BMP5: variants seen among roughly 807,000 people sequenced by gnomAD.
BMP5 encodes bone morphogenetic protein 5.
A neutral mutation model predicts 46.6 loss-of-function variants in BMP5; 23 were observed. That is an observed-to-expected ratio of 0.49 (90% CI 0.35 to 0.70). BMP5 has a LOEUF of 0.70. BMP5 is among the 30% of genes least tolerant of loss of function. The pLI, the probability that BMP5 is intolerant of heterozygous loss-of-function variation, is 0.00. For missense variants in BMP5, 545 were observed against 565.6 expected, an observed-to-expected ratio of 0.96 and a Z score of 0.37; for synonymous variants, 204 against 191.9, an observed-to-expected ratio of 1.06 and a Z score of -0.52.
At chr6:55,806,388 G>A (rs980271809) in intron 2 of BMP5, among the ~76,000 whole-genome samples, 31 of 152,130 alleles carry the variant, frequency 2.0e-4, no homozygotes, top group African/African-American at 7.0e-4. Context: ...TAGATGTGTG[G>A]TGTTATTTCT....
chr6:55,869,710 T>G (rs1399373471), intron 1 of BMP5, among the ~76,000 whole-genome samples: 1 of 152,054 alleles, frequency 6.6e-6, no homozygotes, highest in Non-Finnish European at 1.5e-5. Flanking sequence ...TAGGGAGAGA[T>G]GAGGAGGCAA....
chr6:55,787,410 T>C (rs577644202), intron 3 of BMP5, among the ~76,000 whole-genome samples: 1 of 151,708 alleles, frequency 6.6e-6, no homozygotes, highest in Non-Finnish European at 1.5e-5. Flanking sequence ...TAATCACATG[T>C]GGACTTTAGA....
intron 6 of BMP5, among the ~76,000 whole-genome samples, chr6:55,756,788 T>C (rs1367346044): frequency 6.6e-6 from 1 of 152,020 alleles, no homozygotes; most frequent in Non-Finnish European, 1.5e-5. Context: ...ATGCTGCTTA[T>C]GTCCTTCATC....
intron 1 of BMP5, among the ~76,000 whole-genome samples, chr6:55,828,172 TTATC>T (rs1220252263): frequency 6.6e-6 from 1 of 151,812 alleles, no homozygotes; most frequent in African/African-American, 2.4e-5. Context: ...AGTTGATAGT[TTATC>T]TACAGTGAAT....
In BMP5 at chr6:55,819,835, T is replaced by C; in HGVS notation, c.503A>G (p.Lys168Arg). The change falls in exon 2 of 7, where the codon AAG becomes AGG. Residue 168 changes from lysine to arginine, a missense_variant. Physicochemically the swap from Lys to Arg is conservative, Grantham distance 26 (BLOSUM62 2). Coordinates refer to ENST00000370830, the MANE Select transcript of BMP5 (RefSeq NM_021073.4). ...ATGCCTTCGCTGGTGAGAAAAATCC[T>C]TGTCTCTTTCAACTGAAAAAATAAA... Reference protein sequence around the residue: ...MSFVNLVERDKDFSHQRRHYK... With the variant: ...MSFVNLVERDRDFSHQRRHYK... 1 of 1,613,654 alleles carries C rather than the reference T, an allele frequency of 6.2e-7. No individual in the cohort carries two copies. The highest frequency in any genetic ancestry group is 8.5e-7 in the Non-Finnish European group (1 of 1,179,728).
rs1170019695 is a variant in BMP5 at position 55,851,111 on chromosome 6, TTTTTG to T, written c.490+23260_490+23264del. ...AAATATTAGTGTTGTGGGTTTTTTG[TTTTTG>T]TTTTGTTTTGTTTTGTTTTGCTTTT... On this transcript the variant is annotated intron_variant, in intron 1 of 6. Coordinates refer to ENST00000370830, the MANE Select transcript of BMP5 (RefSeq NM_021073.4). Among the ~76,000 whole-genome samples the T allele has an allele frequency of 5.8e-4, 86 of 147,174 alleles. No individual in the cohort carries two copies. The South Asian group carries it at 0.014, about 24-fold the overall frequency.
intron 1 of BMP5, among the ~76,000 whole-genome samples, chr6:55,851,180 C>T (rs1215677125): frequency 6.8e-6 from 1 of 147,512 alleles, no homozygotes; most frequent in East Asian, 2.0e-4. Context: ...AAAAGAAAAG[C>T]TATTTATCAT....
At chr6:55,860,667 A>G (rs1777509934) in intron 1 of BMP5, among the ~76,000 whole-genome samples, 2 of 152,166 alleles carry the variant, frequency 1.3e-5, no homozygotes, top group Non-Finnish European at 2.9e-5. Context: ...ACTCTTAGCT[A>G]CTTCTTGCCT....
chr6:55,789,044 T>C (rs1775515418), intron 3 of BMP5, among the ~76,000 whole-genome samples: 1 of 151,818 alleles, frequency 6.6e-6, no homozygotes, highest in Non-Finnish European at 1.5e-5. Flanking sequence ...GGTTGAAAAT[T>C]ATGCTGACTT....
At chr6:55,851,193 T>C (rs376804345) in intron 1 of BMP5, among the ~76,000 whole-genome samples, 1 of 152,184 alleles carries the variant, frequency 6.6e-6, no homozygotes, top group South Asian at 2.1e-4. Flanking sequence ...TTTATCATTT[T>C]TTTTCTCTTA....
At chr6:55,853,739 A>G (rs1376047449) in intron 1 of BMP5, among the ~76,000 whole-genome samples, 1 of 152,176 alleles carries the variant, frequency 6.6e-6, no homozygotes, top group Non-Finnish European at 1.5e-5. Context: ...ATTCCATGGA[A>G]GCTAATGTAG....
chr6:55,811,631 C>T (rs1776136005), intron 2 of BMP5, among the ~76,000 whole-genome samples: 2 of 151,864 alleles, frequency 1.3e-5, no homozygotes, highest in South Asian at 2.1e-4. Flanking sequence ...CTGGCATACA[C>T]CTCTGCCCTC....
Position 55,774,098 on chromosome 6 carries a change from G to A in BMP5, c.978C>T (p.Arg326=). Residue 326 remains arginine (R), a synonymous_variant, in exon 4 of 7, where the codon CGC becomes CGT. Coordinates refer to ENST00000370830, the MANE Select transcript of BMP5 (RefSeq NM_021073.4). ...AGTCCTGATGAGAGCTGGATTTATT[G>A]CGGTTTTGATTTTTTCGTTTGTTGG... ...RAANKRKNQN[R]NKSSSHQDSS... is the part of the protein sequence containing the mutation. 1 of 1,612,942 alleles carries A rather than the reference G, an allele frequency of 6.2e-7. No homozygotes were observed. Among genetic ancestry groups the A allele is most frequent in the South Asian group, 1.1e-5 (1 of 91,064 alleles).
At chr6:55,808,623 C>T (rs983625950) in intron 2 of BMP5, among the ~76,000 whole-genome samples, 2 of 152,176 alleles carry the variant, frequency 1.3e-5, no homozygotes, top group Non-Finnish European at 2.9e-5. Context: ...TGGGATCTTC[C>T]AATCTGTGGG....
intron 2 of BMP5, among the ~76,000 whole-genome samples, chr6:55,816,718 G>A (rs1187654063): frequency 6.6e-6 from 1 of 152,120 alleles, no homozygotes; most frequent in Non-Finnish European, 1.5e-5. Context: ...GCATTCCATA[G>A]GATATTAATA....
intron 1 of BMP5, among the ~76,000 whole-genome samples, chr6:55,842,872 A>T (rs1320523950): frequency 6.6e-5 from 10 of 152,080 alleles, no homozygotes; most frequent in Non-Finnish European, 1.5e-4. Flanking sequence ...AGCAAATCAC[A>T]TTTATATATT....
At chr6:55,836,946 ACTT>A (rs1054792964) in intron 1 of BMP5, among the ~76,000 whole-genome samples, 1 of 152,134 alleles carries the variant, frequency 6.6e-6, no homozygotes, top group Non-Finnish European at 1.5e-5. Context: ...TTATAAGCAA[ACTT>A]CTTCAAATTT....
rs1215020203 is a variant in BMP5, at chr6:55,759,160, AAAAAAAAAAAAAAAAAAAAAAAAC to A, written c.1105-69_1105-46del. 2.2e-3 allele frequency: 1,741 copies of A among 786,634 alleles called. 42 individuals carry two copies. The African/African-American group carries it at 0.03, about 14-fold the overall frequency. 48.7% of individuals were successfully genotyped at this position (786,634 alleles called of 1,614,324 possible). A position where few individuals can be genotyped will look rare whatever the true frequency, so the allele number is the denominator to read the frequency against. ...ACACACACACAAAAAAAAAAAAAAA[AAAAAAAAAAAAAAAAAAAAAAAAC>A]AACAAGAAAAAATATCACCAAAGTA... On this transcript the variant is annotated intron_variant, in intron 5 of 6. Transcript: ENST00000370830.
At chr6:55,783,229 T>C (rs1002809979) in intron 3 of BMP5, among the ~76,000 whole-genome samples, 4 of 152,202 alleles carry the variant, frequency 2.6e-5, no homozygotes, top group African/African-American at 7.2e-5. Flanking sequence ...ATTCAATTAC[T>C]GTCACACTAC....
Sources: gnomAD v4.1 joint callset for allele counts (sites outside exome capture counted in the v4.1 genomes callset) on GRCh38, gnomAD v4.1.1 for gene constraint, MANE v1.5 for transcripts, NCBI Gene and HGNC (gene_info 2026-07-23, HGNC 2026-07-21) for gene names.